CHMP4B: variants seen among roughly 807,000 people sequenced by gnomAD.
The protein encoded by CHMP4B is SNF7 homolog associated with Alix 1.
Under a neutral mutation model 25.1 loss-of-function variants are expected in CHMP4B, and 1 was observed. The observed-to-expected ratio is 0.04, with a 90% CI of 0.01 to 0.19. CHMP4B has a LOEUF of 0.19. Ranked by LOEUF, CHMP4B falls within the 10% of genes least tolerant of loss-of-function variation. The pLI is 1.00. For missense variants in CHMP4B, 151 were observed against 289.7 expected, an observed-to-expected ratio of 0.52 and a Z score of 3.48; for synonymous variants, 101 against 115.6, an observed-to-expected ratio of 0.87 and a Z score of 0.81.
At chr20:33,826,999 G>A (rs140442358) in intron 1 of CHMP4B, among the ~76,000 whole-genome samples, 12 of 152,270 alleles carry the variant, frequency 7.9e-5, no homozygotes, top group African/African-American at 2.6e-4. Context: ...ACAGTGACCT[G>A]TATTTCTGAG....
At chr20:33,814,351 G>C (rs895195848) in intron 1 of CHMP4B, among the ~76,000 whole-genome samples, 1 of 152,176 alleles carries the variant, frequency 6.6e-6, no homozygotes, top group African/African-American at 2.4e-5. Flanking sequence ...TTGGAAGTGT[G>C]GGGTGGGAGT....
rs6120381 is a variant in CHMP4B, at chr20:33,813,763, C to T, written c.190+2105C>T. On this transcript the variant is annotated intron_variant, in intron 1 of 4. Coordinates refer to ENST00000217402, the MANE Select transcript of CHMP4B (RefSeq NM_176812.5). Reference sequence around the variant, plus strand: ...TTTGTTTGTTTTTGAAACGGAGTCTCGCTCTGTTGCCCAGGCTGGAGTGCA... The same window carrying T: ...TTTGTTTGTTTTTGAAACGGAGTCTTGCTCTGTTGCCCAGGCTGGAGTGCA... 8.4e-3 allele frequency among the ~76,000 whole-genome samples: 1,276 copies of T among 152,206 alleles called. 20 individuals are homozygous for T. Among genetic ancestry groups the T allele is most frequent in the African/African-American group, 0.029 (1,184 of 41,524 alleles).
chr20:33,828,883 G>C (rs889925810), intron 1 of CHMP4B, among the ~76,000 whole-genome samples: 9 of 152,008 alleles, frequency 5.9e-5, no homozygotes, highest in African/African-American at 2.2e-4. Context: ...CAAGATATGA[G>C]AACATTCCAG....
At chr20:33,850,340 T>TA (rs1979812136) in intron 2 of CHMP4B, among the ~76,000 whole-genome samples, 1 of 152,218 alleles carries the variant, frequency 6.6e-6, no homozygotes, top group Non-Finnish European at 1.5e-5. Flanking sequence ...ATGAGAACCA[T>TA]ATATGCCTCA....
chr20:33,830,303 A>G (rs569901349), intron 1 of CHMP4B, among the ~76,000 whole-genome samples: 1 of 152,230 alleles, frequency 6.6e-6, no homozygotes, highest in South Asian at 2.1e-4. Flanking sequence ...CTACAGCAAG[A>G]GGGTATGGGG....
chr20:33,853,951 G>A lies in CHMP4B; in HGVS notation c.*391G>A, dbSNP rs540944582. The stretch of plus-strand genomic sequence containing the variant: ...GTCCTTGTAAGTCAGTTGACTTGCC[G>A]CACATCTCTTTGTGTACTTGTACGG... On this transcript the variant is annotated 3_prime_UTR_variant, in exon 5 of 5. Transcript: ENST00000217402. The A allele has an allele frequency of 2.2e-4, 71 of 317,914 alleles. No homozygotes were observed. The highest frequency in any genetic ancestry group is 1.1e-3 in the Middle Eastern group (1 of 920). The allele number at this position is 317,914 out of a possible 1,614,324, so 19.7% of individuals were successfully genotyped here. A position where few individuals can be genotyped will look rare whatever the true frequency, so the allele number is the denominator to read the frequency against.
rs1166812121 is a variant in CHMP4B at position 33,811,398 on chromosome 20, G to GCCGAC, written c.-66_-62dup. ...GGCGGGACTGGGAGCGGGCGCCGGAGCCGACCCGAGCCGAGCCGAGCCGAG... is the reference window on the plus strand; with the variant it reads ...GGCGGGACTGGGAGCGGGCGCCGGAGCCGACCCGACCCGAGCCGAGCCGAGCCGAG... On this transcript the variant is annotated 5_prime_UTR_variant, in exon 1 of 5. Coordinates refer to ENST00000217402, the MANE Select transcript of CHMP4B (RefSeq NM_176812.5). 3.9e-6 allele frequency: 5 copies of GCCGAC among 1,271,828 alleles called. No individual in the cohort carries two copies. The highest frequency in any genetic ancestry group is 5.0e-6 in the Non-Finnish European group (5 of 997,710). The allele number at this position is 1,271,828 out of a possible 1,614,324, so 78.8% of individuals were successfully genotyped here.
At chr20:33,845,098 G>C (rs1182018402) in intron 1 of CHMP4B, among the ~76,000 whole-genome samples, 1 of 152,022 alleles carries the variant, frequency 6.6e-6, no homozygotes, top group South Asian at 2.1e-4. Context: ...GTCACTTGCT[G>C]TCGTTCTGAG....
At chr20:33,850,185 A>T (rs988494867) in intron 2 of CHMP4B, among the ~76,000 whole-genome samples, 2 of 152,240 alleles carry the variant, frequency 1.3e-5, no homozygotes, top group Non-Finnish European at 2.9e-5. Flanking sequence ...CTGTCTGGCC[A>T]TAAATTCTAA....
At chr20:33,837,972 G>C (rs1979433608) in intron 1 of CHMP4B, among the ~76,000 whole-genome samples, 1 of 152,202 alleles carries the variant, frequency 6.6e-6, no homozygotes, top group Admixed American at 6.5e-5. Context: ...CGCCCTTCTT[G>C]TGTCCTTGAT....
chr20:33,819,778 A>G (rs13042412), intron 1 of CHMP4B, among the ~76,000 whole-genome samples: 12,130 of 152,258 alleles, frequency 0.08, 710 homozygotes, highest in Admixed American at 0.2. Flanking sequence ...GTCTCTGAAC[A>G]ACAGCTTCTT....
At chr20:33,831,382 G>A (rs761917073) in intron 1 of CHMP4B, among the ~76,000 whole-genome samples, 2 of 152,082 alleles carry the variant, frequency 1.3e-5, no homozygotes, top group South Asian at 2.1e-4. Context: ...CACTGCACCC[G>A]GCCGTCCAGC....
chr20:33,823,676 C>G (rs1744012540), intron 1 of CHMP4B, among the ~76,000 whole-genome samples: 1 of 152,102 alleles, frequency 6.6e-6, no homozygotes, highest in African/African-American at 2.4e-5. Context: ...TATCTGGGAT[C>G]ATAGGCGTGT....
At chr20:33,822,962 G>A (rs1978985723) in intron 1 of CHMP4B, among the ~76,000 whole-genome samples, 1 of 151,644 alleles carries the variant, frequency 6.6e-6, no homozygotes, top group Non-Finnish European at 1.5e-5. Context: ...CTAATTTTTT[G>A]TATTTTTAGT....
chr20:33,850,992 G>T lies in CHMP4B; in HGVS notation c.409G>T (p.Asp137Tyr). The change falls in exon 3 of 5, where the codon GAC (aspartate) becomes TAC (tyrosine). Residue 137 changes from aspartate to tyrosine, a missense_variant. Physicochemically the swap from Asp to Tyr is radical, Grantham distance 160. Transcript: ENST00000217402. ...KVDELMQDIA[D>Y]QQELAEEIST... ...TGATGAGTTAATGCAGGACATTGCT[G>T]ACCAGCAAGAACTTGCAGAGGAGAT... 1.2e-6 allele frequency: 2 copies of T among 1,614,066 alleles called. No individual in the cohort carries two copies. Among genetic ancestry groups the T allele is most frequent in the South Asian group, 2.2e-5 (2 of 91,052 alleles).
intron 2 of CHMP4B, 46 bp from the exon 3 acceptor site, chr20:33,850,906 A>G (rs200647887): frequency 7.1e-7 from 1 of 1,418,174 alleles, no homozygotes; most frequent in Admixed American, 1.7e-5. Context: ...GGCCCCCTTT[A>G]CGCAGCCTAA....
intron 1 of CHMP4B, among the ~76,000 whole-genome samples, chr20:33,842,196 C>G (rs531072516): frequency 3.5e-4 from 53 of 152,224 alleles, no homozygotes; most frequent in African/African-American, 1.3e-3. Context: ...TCACTGATAA[C>G]CATCTTTACA....
intron 1 of CHMP4B, among the ~76,000 whole-genome samples, chr20:33,835,850 A>G (rs1320536503): frequency 6.6e-6 from 1 of 152,034 alleles, no homozygotes; most frequent in Non-Finnish European, 1.5e-5. Flanking sequence ...GTGTGTGGCG[A>G]GAGAGAGAGG....
chr20:33,838,412 G>A (rs1046568755), intron 1 of CHMP4B, among the ~76,000 whole-genome samples: 1 of 152,170 alleles, frequency 6.6e-6, no homozygotes, highest in Non-Finnish European at 1.5e-5. Context: ...CTTCCAAAAG[G>A]GATGGCTGCT....
Sources: allele counts gnomAD v4.1 joint callset (sites outside exome capture counted in the v4.1 genomes callset), GRCh38; gene constraint gnomAD v4.1.1; transcripts MANE v1.5; gene names NCBI Gene and HGNC (gene_info 2026-07-23, HGNC 2026-07-21).